The following XIRP2 variants were observed in gnomAD, a reference collection of about 807,000 sequenced individuals.
XIRP2 encodes the protein xin actin-binding repeat-containing protein 2.
Under a neutral mutation model 277.0 loss-of-function variants are expected in XIRP2, and 236 were observed. The observed-to-expected ratio is 0.85, with a 90% CI of 0.77 to 0.95. The LOEUF (loss-of-function observed/expected upper bound fraction) is 0.95, where lower values mean the gene tolerates loss of function less well. Ranked by LOEUF, XIRP2 falls within the 40% of genes least tolerant of loss-of-function variation. The pLI, the probability that XIRP2 is intolerant of heterozygous loss-of-function variation, is 0.00. For synonymous variants in XIRP2, 1,490 were observed against 1,416.5 expected, an observed-to-expected ratio of 1.05 and a Z score of -1.17; for missense variants, 4,640 against 4,157.5, an observed-to-expected ratio of 1.12 and a Z score of -3.19.
chr2:166,972,296 T>G (rs1936807637), intron 2 of XIRP2, among the ~76,000 whole-genome samples: 1 of 152,056 alleles, frequency 6.6e-6, no homozygotes, highest in Non-Finnish European at 1.5e-5. Flanking sequence ...CACCCAGGGT[T>G]TTTTTGTAGC....
chr2:166,938,489 T>C (rs1685585134), intron 2 of XIRP2, among the ~76,000 whole-genome samples: 1 of 152,196 alleles, frequency 6.6e-6, no homozygotes, highest in Non-Finnish European at 1.5e-5. Flanking sequence ...TTCTTTTACA[T>C]TTGCTGAGGA....
intron 2 of XIRP2, among the ~76,000 whole-genome samples, chr2:166,966,414 G>T (rs1686435536): frequency 6.6e-6 from 1 of 151,406 alleles, no homozygotes; most frequent in Admixed American, 6.6e-5. Context: ...ATCTATATTT[G>T]TCTCATGTTT....
chr2:166,892,428 A>G (rs1443442944), intron 1 of XIRP2, among the ~76,000 whole-genome samples: 1 of 152,186 alleles, frequency 6.6e-6, no homozygotes, highest in Non-Finnish European at 1.5e-5. Flanking sequence ...TCTTTCATGA[A>G]AAAAGTCAAT....
chr2:167,258,023 G>A lies in XIRP2; in HGVS notation c.*206G>A, dbSNP rs1394048203. 8 of 1,613,072 alleles carry A rather than the reference G, an allele frequency of 5.0e-6. No individual in the cohort carries two copies. In the South Asian group the frequency reaches 7.7e-5, roughly 16 times the overall value. ...ATCAGTGGACTTTATTCCTAATGAA[G>A]AACCAAATATGTGTAAAAATATTGC... On this transcript the variant is annotated 3_prime_UTR_variant, in exon 11 of 11. Transcript: ENST00000409195.
chr2:167,146,407 A>G (rs1691865959), intron 3 of XIRP2, among the ~76,000 whole-genome samples: 1 of 151,974 alleles, frequency 6.6e-6, no homozygotes, highest in Admixed American at 6.6e-5. Flanking sequence ...ATGCTGAGGC[A>G]GGAGAATTGC....
intron 2 of XIRP2, among the ~76,000 whole-genome samples, chr2:167,047,608 T>G (rs2105529479): frequency 6.6e-6 from 1 of 152,116 alleles, no homozygotes; most frequent in East Asian, 1.9e-4. Context: ...ACGAAACTTT[T>G]TTTAAAAATA....
chr2:167,258,232 G>A lies in XIRP2; in HGVS notation c.*415G>A, dbSNP rs1165887600. 1.2e-6 allele frequency: 2 copies of A among 1,613,040 alleles called. No individual in the cohort carries two copies. The highest frequency in any genetic ancestry group is 4.5e-5 in the East Asian group (2 of 44,790). On this transcript the variant is annotated 3_prime_UTR_variant, in exon 11 of 11. Transcript: ENST00000409195. Reference sequence around the variant, plus strand: ...AAGAGCTCAAAATGAGTAAACCTAAGTGGCCACCTGAAATGACAACCCTGC... The same window carrying A: ...AAGAGCTCAAAATGAGTAAACCTAAATGGCCACCTGAAATGACAACCCTGC...
At chr2:167,085,795 G>A (rs1689922974) in intron 2 of XIRP2, among the ~76,000 whole-genome samples, 1 of 151,956 alleles carries the variant, frequency 6.6e-6, no homozygotes, top group South Asian at 2.1e-4. Flanking sequence ...CATTTGCTTG[G>A]TAGATCTTCC....
intron 1 of XIRP2, among the ~76,000 whole-genome samples, chr2:166,896,014 A>G (rs1558906782): frequency 1.3e-5 from 2 of 152,176 alleles, no homozygotes; most frequent in Admixed American, 1.3e-4. Flanking sequence ...GGAAGACTGC[A>G]TCTGTGGATG....
chr2:167,054,396 AAG>A (rs147089959), intron 2 of XIRP2, among the ~76,000 whole-genome samples: 3,225 of 152,298 alleles, frequency 0.021, 45 homozygotes, highest in Non-Finnish European at 0.03. Flanking sequence ...GTCAAAAGGA[AAG>A]AGAGGCTGGG....
intron 3 of XIRP2, among the ~76,000 whole-genome samples, chr2:167,146,032 TA>T (rs1357014108): frequency 2.6e-5 from 4 of 151,202 alleles, no homozygotes; most frequent in African/African-American, 9.7e-5. Flanking sequence ...TCATGAAAAA[TA>T]AAAGATTGAA....
intron 2 of XIRP2, among the ~76,000 whole-genome samples, chr2:167,076,893 G>A (rs538216231): frequency 1.3e-5 from 2 of 152,186 alleles, no homozygotes; most frequent in East Asian, 3.9e-4. Flanking sequence ...GTGCAGTGGG[G>A]CAATCTCGGC....
At chr2:167,077,982 A>G (rs748554499) in intron 2 of XIRP2, among the ~76,000 whole-genome samples, 2 of 152,138 alleles carry the variant, frequency 1.3e-5, no homozygotes, top group Non-Finnish European at 2.9e-5. Flanking sequence ...TTGCGTATGA[A>G]TTTTAGAATA....
At chr2:167,101,265 T>C (rs1408507442) in intron 2 of XIRP2, among the ~76,000 whole-genome samples, 1 of 152,216 alleles carries the variant, frequency 6.6e-6, no homozygotes, top group Non-Finnish European at 1.5e-5. Flanking sequence ...TAAAACTATG[T>C]ATAGAATATA....
At chr2:167,124,722 G>C (rs1691150992) in intron 2 of XIRP2, among the ~76,000 whole-genome samples, 1 of 152,128 alleles carries the variant, frequency 6.6e-6, no homozygotes, top group Admixed American at 6.6e-5. Flanking sequence ...GGGGCATTTG[G>C]GGAAAGCTTC....
intron 2 of XIRP2, among the ~76,000 whole-genome samples, chr2:167,025,310 T>A (rs1688120790): frequency 6.6e-6 from 1 of 152,162 alleles, no homozygotes; most frequent in Non-Finnish European, 1.5e-5. Context: ...ATCCCCTTTA[T>A]CATTTTTTAT....
chr2:166,912,496 G>A (rs1467502714), intron 2 of XIRP2, among the ~76,000 whole-genome samples: 3 of 152,084 alleles, frequency 2.0e-5, no homozygotes, highest in African/African-American at 7.2e-5. Context: ...GGTTATTCTA[G>A]TTAGCCATTA....
intron 3 of XIRP2, among the ~76,000 whole-genome samples, chr2:167,197,559 T>G (rs1297903937): frequency 6.6e-6 from 1 of 152,132 alleles, no homozygotes; most frequent in East Asian, 1.9e-4. Flanking sequence ...GCAAAAATAT[T>G]AGGGAAGTCT....
intron 2 of XIRP2, among the ~76,000 whole-genome samples, chr2:167,042,166 C>T (rs1286273274): frequency 2.0e-5 from 3 of 152,120 alleles, no homozygotes; most frequent in Non-Finnish European, 4.4e-5. Flanking sequence ...ACCAGACCTG[C>T]CTTACAACAG....
Sources: allele counts gnomAD v4.1 joint callset (sites outside exome capture counted in the v4.1 genomes callset), GRCh38; gene constraint gnomAD v4.1.1; transcripts MANE v1.5; gene names NCBI Gene and HGNC (gene_info 2026-07-23, HGNC 2026-07-21).